The following ARHGAP24 variants were observed in gnomAD, a reference collection of about 807,000 sequenced individuals.
ARHGAP24 encodes Rho GTPase activating protein 24.
ARHGAP24 carries 50 observed loss-of-function variants against 76.4 expected under a neutral mutation model. That is an observed-to-expected ratio of 0.65 (90% CI 0.52 to 0.83). ARHGAP24 has a LOEUF of 0.83. ARHGAP24 is among the 40% of genes least tolerant of loss of function. ARHGAP24 has a pLI of 0.00. For synonymous variants in ARHGAP24, 345 were observed against 323.3 expected, an observed-to-expected ratio of 1.07 and a Z score of -0.72; for missense variants, 930 against 914.2, an observed-to-expected ratio of 1.02 and a Z score of -0.22.
At chr4:85,537,852 C>T (rs545957469) in intron 1 of ARHGAP24, among the ~76,000 whole-genome samples, 3 of 152,124 alleles carry the variant, frequency 2.0e-5, no homozygotes, top group South Asian at 2.1e-4. Context: ...AGATATGGTG[C>T]GTACAAGTCA....
At chr4:85,624,376 G>A (rs1365687330) in intron 2 of ARHGAP24, among the ~76,000 whole-genome samples, 1 of 152,048 alleles carries the variant, frequency 6.6e-6, no homozygotes, top group African/African-American at 2.4e-5. Context: ...CTGTTTATAT[G>A]CTGGATTACA....
chr4:85,713,649 C>T (rs1724617865), intron 2 of ARHGAP24, among the ~76,000 whole-genome samples: 2 of 152,074 alleles, frequency 1.3e-5, no homozygotes, highest in African/African-American at 4.8e-5. Context: ...GCTGCATGCT[C>T]CTCAAATTAC....
intron 2 of ARHGAP24, among the ~76,000 whole-genome samples, chr4:85,594,664 A>T (rs1728245793): frequency 6.6e-6 from 1 of 152,118 alleles, no homozygotes; most frequent in African/African-American, 2.4e-5. Context: ...AGGAATAAAA[A>T]CACTAAGAGT....
intron 3 of ARHGAP24, among the ~76,000 whole-genome samples, chr4:85,793,553 G>A (rs894796630): frequency 6.6e-6 from 1 of 152,054 alleles, no homozygotes; most frequent in African/African-American, 2.4e-5. Flanking sequence ...ATGGCATCTG[G>A]CAAACTCTGT....
At chr4:85,901,815 T>C (rs975068270) in intron 3 of ARHGAP24, among the ~76,000 whole-genome samples, 1 of 152,038 alleles carries the variant, frequency 6.6e-6, no homozygotes, top group Non-Finnish European at 1.5e-5. Flanking sequence ...ACATTTTTTT[T>C]TGTTTTTTTT....
intron 8 of ARHGAP24, among the ~76,000 whole-genome samples, chr4:85,993,122 T>C (rs1740434155): frequency 6.6e-6 from 1 of 152,130 alleles, no homozygotes; most frequent in South Asian, 2.1e-4. Context: ...AAGGGAAACA[T>C]TTGCATCTAC....
At chr4:85,707,793 C>T (rs917207204) in intron 2 of ARHGAP24, among the ~76,000 whole-genome samples, 1 of 152,104 alleles carries the variant, frequency 6.6e-6, no homozygotes, top group African/African-American at 2.4e-5. Flanking sequence ...AAGTTGATTA[C>T]CTCAACCGGA....
chr4:85,868,897 T>G (rs989984166), intron 3 of ARHGAP24, among the ~76,000 whole-genome samples: 1 of 152,166 alleles, frequency 6.6e-6, no homozygotes, highest in African/African-American at 2.4e-5. Flanking sequence ...GTTGCCAGGT[T>G]ACCTTCTCTT....
At chr4:85,796,618 TTAAC>T (rs1285184187) in intron 3 of ARHGAP24, among the ~76,000 whole-genome samples, 1 of 152,136 alleles carries the variant, frequency 6.6e-6, no homozygotes, top group Non-Finnish European at 1.5e-5. Flanking sequence ...TAAAGAATGA[TTAAC>T]TATTACAGGG....
chr4:85,966,671 A>C (rs528001409), intron 5 of ARHGAP24, among the ~76,000 whole-genome samples: 1 of 152,282 alleles, frequency 6.6e-6, no homozygotes, highest in East Asian at 1.9e-4. Context: ...GGACTGCTTA[A>C]GCAAGACCAT....
chr4:85,509,626 T>A (rs1026906781), intron 1 of ARHGAP24, among the ~76,000 whole-genome samples: 156 of 152,222 alleles, frequency 1.0e-3, no homozygotes, highest in African/African-American at 3.6e-3. Flanking sequence ...TCATCTGCTA[T>A]AACCTGGTAG....
chr4:85,520,170 T>C (rs1011332330), intron 1 of ARHGAP24, among the ~76,000 whole-genome samples: 8 of 152,122 alleles, frequency 5.3e-5, no homozygotes, highest in Non-Finnish European at 1.0e-4. Context: ...TTAATTTCCA[T>C]ATATGGTGTG....
chr4:85,980,922 G>A (rs1288408855), intron 8 of ARHGAP24, among the ~76,000 whole-genome samples: 1 of 152,138 alleles, frequency 6.6e-6, no homozygotes, highest in Non-Finnish European at 1.5e-5. Flanking sequence ...AACCCAACTA[G>A]CACCATATTC....
intron 2 of ARHGAP24, among the ~76,000 whole-genome samples, chr4:85,670,267 A>C (rs1329961336): frequency 6.6e-6 from 1 of 152,184 alleles, no homozygotes; most frequent in Non-Finnish European, 1.5e-5. Context: ...ATATCCTGTC[A>C]ACCTTCAGGT....
chr4:85,515,966 TTTAA>T (rs1168343220), intron 1 of ARHGAP24, among the ~76,000 whole-genome samples: 5 of 152,274 alleles, frequency 3.3e-5, no homozygotes, highest in African/African-American at 2.4e-5. Flanking sequence ...TCTTTGCCTA[TTTAA>T]TATGTGTACA....
At chr4:85,689,289 A>T (rs1723542672) in intron 2 of ARHGAP24, among the ~76,000 whole-genome samples, 1 of 152,188 alleles carries the variant, frequency 6.6e-6, no homozygotes, top group South Asian at 2.1e-4. Context: ...ATTACTAAGC[A>T]TTTCATTTTA....
intron 5 of ARHGAP24, among the ~76,000 whole-genome samples, chr4:85,971,620 A>G (rs992582963): frequency 6.6e-6 from 1 of 152,216 alleles, no homozygotes; most frequent in African/African-American, 2.4e-5. Flanking sequence ...TGTTATAAGC[A>G]TTCCAATTAT....
chr4:85,826,569 A>G (rs534935035), intron 3 of ARHGAP24, among the ~76,000 whole-genome samples: 1 of 152,268 alleles, frequency 6.6e-6, no homozygotes, highest in Admixed American at 6.5e-5. Context: ...GCCCTCCTTG[A>G]GAATGCAGCA....
At chr4:85,512,301 A>G (rs926064961) in intron 1 of ARHGAP24, among the ~76,000 whole-genome samples, 5 of 152,358 alleles carry the variant, frequency 3.3e-5, no homozygotes, top group African/African-American at 9.6e-5. Flanking sequence ...AATGCTTAGT[A>G]AAATGCCTGG....
Sources: allele counts gnomAD v4.1 joint callset (sites outside exome capture counted in the v4.1 genomes callset), GRCh38; gene constraint gnomAD v4.1.1; transcripts MANE v1.5; gene names NCBI Gene and HGNC (gene_info 2026-07-23, HGNC 2026-07-21).